DENND1A: variants seen among roughly 807,000 people sequenced by gnomAD.
DENND1A encodes DENN domain containing 1A, also known as DENN domain-containing protein 1A.
DENND1A carries 51 observed loss-of-function variants against 113.7 expected under a neutral mutation model. That is an observed-to-expected ratio of 0.45 (90% CI 0.36 to 0.57). The LOEUF (loss-of-function observed/expected upper bound fraction) is 0.57, where lower values mean the gene tolerates loss of function less well. Ranked by LOEUF, DENND1A falls within the 20% of genes least tolerant of loss-of-function variation. The pLI is 0.00. For missense variants in DENND1A, 1,258 were observed against 1,395.9 expected (o/e 0.90, Z 1.57); for synonymous variants, 565 against 570.8 (o/e 0.99, Z 0.14).
chr9:123,526,408 C>A (rs1212749196), intron 13 of DENND1A, among the ~76,000 whole-genome samples: 1 of 152,212 alleles, frequency 6.6e-6, no homozygotes, highest in Non-Finnish European at 1.5e-5. Context: ...GGTGCTCTCT[C>A]ATCAGCATTT....
chr9:123,419,061 T>C (rs1190007808), intron 19 of DENND1A, among the ~76,000 whole-genome samples: 1 of 152,188 alleles, frequency 6.6e-6, no homozygotes, highest in Non-Finnish European at 1.5e-5. Context: ...AGGTGAAATG[T>C]CAAAGTTGGC....
At chr9:123,725,298 A>C (rs904837357) in intron 5 of DENND1A, among the ~76,000 whole-genome samples, 33 of 152,362 alleles carry the variant, frequency 2.2e-4, no homozygotes, top group Admixed American at 1.2e-3. Flanking sequence ...AAGCCTTTTA[A>C]AACACTTAAA....
intron 13 of DENND1A, among the ~76,000 whole-genome samples, chr9:123,499,033 A>C (rs1257785216): frequency 1.3e-5 from 2 of 151,254 alleles, no homozygotes; most frequent in African/African-American, 4.9e-5. Flanking sequence ...TTTTTAAAAA[A>C]ATCTTTTCTT....
At chr9:123,403,667 G>A (rs1227284586) in intron 20 of DENND1A, 177 bp from the exon 21 acceptor site, 2 of 610,070 alleles carry the variant, frequency 3.3e-6, no homozygotes, top group Non-Finnish European at 5.9e-6. Context: ...GCAGCAGACA[G>A]ACACATTAAC....
At chr9:123,903,818 CT>C (rs1852211256) in intron 1 of DENND1A, among the ~76,000 whole-genome samples, 1 of 152,160 alleles carries the variant, frequency 6.6e-6, no homozygotes, top group African/African-American at 2.4e-5. Context: ...ATTGCCCAGG[CT>C]TGCTTAGGTA....
intron 5 of DENND1A, among the ~76,000 whole-genome samples, chr9:123,677,614 A>G (rs929713056): frequency 6.6e-6 from 1 of 152,042 alleles, no homozygotes; most frequent in Non-Finnish European, 1.5e-5. Flanking sequence ...TTGTATTTTT[A>G]ATAGAGACGG....
At chr9:123,425,931 TC>T (rs1339816894) in intron 19 of DENND1A, among the ~76,000 whole-genome samples, 1 of 152,048 alleles carries the variant, frequency 6.6e-6, no homozygotes, top group Non-Finnish European at 1.5e-5. Flanking sequence ...CATCCCTGGG[TC>T]CCCCAGTGCA....
intron 1 of DENND1A, among the ~76,000 whole-genome samples, chr9:123,895,549 G>C (rs921947781): frequency 6.6e-6 from 1 of 151,590 alleles, no homozygotes; most frequent in Admixed American, 6.6e-5. Context: ...TTGAACCCAG[G>C]AGGTGGAGGT....
intron 22 of DENND1A, among the ~76,000 whole-genome samples, chr9:123,385,356 G>C (rs998336412): frequency 6.6e-6 from 1 of 152,120 alleles, no homozygotes; most frequent in Admixed American, 6.5e-5. Flanking sequence ...GTAGAGACGG[G>C]GTTTCACTAT....
At chr9:123,700,396 G>A (rs1278069938) in intron 5 of DENND1A, among the ~76,000 whole-genome samples, 4 of 151,986 alleles carry the variant, frequency 2.6e-5, no homozygotes, top group Admixed American at 2.0e-4. Context: ...GTATGCATGC[G>A]TGTGTGTGTG....
intron 19 of DENND1A, among the ~76,000 whole-genome samples, chr9:123,423,388 C>T (rs2045467762): frequency 6.6e-6 from 1 of 152,212 alleles, no homozygotes; most frequent in Non-Finnish European, 1.5e-5. Context: ...CGGCGCTCAT[C>T]AGCCTTCTGC....
intron 21 of DENND1A, among the ~76,000 whole-genome samples, chr9:123,397,292 T>A (rs750192869): frequency 1.8e-4 from 28 of 152,086 alleles, no homozygotes; most frequent in Non-Finnish European, 3.1e-4. Context: ...GTAGCTGAGA[T>A]TATAAGTGTG....
At position 123,382,047 on chromosome 9, in the gene DENND1A, C is replaced by T. The variant is rs779244494; in HGVS notation, c.2598G>A (p.Pro866=). 11 of 1,021,998 alleles carry T rather than the reference C, an allele frequency of 1.1e-5. No homozygotes were observed. The highest frequency in any genetic ancestry group is 5.6e-5 in the Admixed American group (1 of 17,818). 63.3% of individuals were successfully genotyped at this position (1,021,998 alleles called of 1,614,324 possible). ...GSTLPSRPAT[P]NVATPFTPQF... is the part of the protein sequence containing the mutation. ...GGGGGGTGAATGGGGTGGCTACATT[C>T]GGGGTGGCGGGGCGTGACGGGAGGG... is the stretch of plus-strand genomic sequence containing the variant. The change falls in exon 24 of 24, where the codon CCG becomes CCA. Residue 866 remains proline, a synonymous_variant. Transcript: ENST00000394215.
intron 13 of DENND1A, among the ~76,000 whole-genome samples, chr9:123,506,819 C>T (rs2052993441): frequency 6.6e-6 from 1 of 152,072 alleles, no homozygotes; most frequent in African/African-American, 2.4e-5. Flanking sequence ...AAAGATGTTG[C>T]TTTGAGGGCA....
intron 13 of DENND1A, among the ~76,000 whole-genome samples, chr9:123,507,032 T>C (rs1220430772): frequency 6.6e-6 from 1 of 151,932 alleles, no homozygotes; most frequent in Non-Finnish European, 1.5e-5. Context: ...CTAAAAACAA[T>C]ACAAAAATTA....
At chr9:123,807,199 T>C (rs1031734404) in intron 2 of DENND1A, among the ~76,000 whole-genome samples, 12 of 152,206 alleles carry the variant, frequency 7.9e-5, no homozygotes, top group Admixed American at 5.9e-4. Flanking sequence ...TGTAGGATTA[T>C]TGGTGATTTT....
chr9:123,631,896 T>C (rs2061491392), intron 9 of DENND1A, among the ~76,000 whole-genome samples: 2 of 152,200 alleles, frequency 1.3e-5, no homozygotes, highest in African/African-American at 4.8e-5. Flanking sequence ...AAACAACTTT[T>C]GGAGATATAG....
At position 123,833,782 on chromosome 9, in the gene DENND1A, C is replaced by T. The variant is rs544574231; in HGVS notation, c.89-41152G>A. Reference sequence around the variant, plus strand: ...ATGGGTCTTAAAACCAGCTTCAGGCCGGGCACAGAGGCTCATGACTGTAAT... The same window carrying T: ...ATGGGTCTTAAAACCAGCTTCAGGCTGGGCACAGAGGCTCATGACTGTAAT... On this transcript the variant is annotated intron_variant, in intron 2 of 23. Coordinates refer to ENST00000394215, the MANE Select transcript of DENND1A (RefSeq NM_001352964.2). Among the ~76,000 whole-genome samples, 95 of 152,242 alleles carry T rather than the reference C, an allele frequency of 6.2e-4. 1 individual carries two copies. The highest frequency in any genetic ancestry group is 8.2e-4 in the Non-Finnish European group (56 of 68,012).
At chr9:123,415,146 A>G (rs867251830) in intron 19 of DENND1A, among the ~76,000 whole-genome samples, 2 of 152,202 alleles carry the variant, frequency 1.3e-5, no homozygotes, top group Non-Finnish European at 2.9e-5. Flanking sequence ...AGAAAGAGTA[A>G]CGTGGTACAG....
Sources: gnomAD v4.1 joint callset for allele counts (sites outside exome capture counted in the v4.1 genomes callset) on GRCh38, gnomAD v4.1.1 for gene constraint, MANE v1.5 for transcripts, NCBI Gene and HGNC (gene_info 2026-07-23, HGNC 2026-07-21) for gene names.